Variants in LRRC7 observed in about 807,000 individuals in gnomAD.
LRRC7 encodes the protein leucine-rich repeat-containing protein 7.
Under a neutral mutation model 175.7 loss-of-function variants are expected in LRRC7, and 23 were observed. The ratio of observed to expected loss-of-function variants is 0.13; its 90% CI spans 0.09 to 0.19. The LOEUF (loss-of-function observed/expected upper bound fraction) is 0.19. Ranked by LOEUF, LRRC7 falls within the 10% of genes least tolerant of loss-of-function variation. The pLI, the probability that LRRC7 is intolerant of heterozygous loss-of-function variation, is 1.00. For missense variants in LRRC7, 1,354 were observed against 1,904.7 expected, an observed-to-expected ratio of 0.71 and a Z score of 5.38; for synonymous variants, 685 against 680.9, an observed-to-expected ratio of 1.01 and a Z score of -0.09.
chr1:69,791,239 C>A (rs1675074300), intron 3 of LRRC7, among the ~76,000 whole-genome samples: 1 of 151,986 alleles, frequency 6.6e-6, no homozygotes, highest in African/African-American at 2.4e-5. Flanking sequence ...TATTGTTTCT[C>A]AAAATATGAT....
chr1:69,668,463 A>G (rs558352820), intron 1 of LRRC7, among the ~76,000 whole-genome samples: 2 of 152,306 alleles, frequency 1.3e-5, no homozygotes, highest in Non-Finnish European at 1.5e-5. Context: ...TGTCCCTGCA[A>G]AGAACATGAA....
At chr1:69,641,419 G>C (rs1654188063) in intron 1 of LRRC7, among the ~76,000 whole-genome samples, 1 of 151,482 alleles carries the variant, frequency 6.6e-6, no homozygotes, top group African/African-American at 2.4e-5. Context: ...AAATATATAT[G>C]AGTAGAGGGA....
chr1:69,905,964 A>G (rs1350806125), intron 7 of LRRC7, among the ~76,000 whole-genome samples: 1 of 152,178 alleles, frequency 6.6e-6, no homozygotes, highest in Non-Finnish European at 1.5e-5. Context: ...CTGGTGTGAG[A>G]TGGTATCTCA....
intron 7 of LRRC7, among the ~76,000 whole-genome samples, chr1:69,888,546 C>T (rs1397059073): frequency 1.3e-5 from 2 of 152,134 alleles, no homozygotes; most frequent in Non-Finnish European, 2.9e-5. Flanking sequence ...AACCCGGTAC[C>T]TCAGATGGAA....
At position 70,135,885 on chromosome 1, in the gene LRRC7, C is replaced by T. The variant is rs933564416; in HGVS notation, c.*13998C>T. Among the ~76,000 whole-genome samples the T allele has an allele frequency of 1.3e-5, 2 of 152,150 alleles. No homozygotes were observed. Among genetic ancestry groups the T allele is most frequent in the African/African-American group, 4.8e-5 (2 of 41,420 alleles). ...GTTTGACTAAGCAACGGGTATCTTG[C>T]ACTTGATAGGTTCTCACAGTCTCAT... On this transcript the variant is annotated 3_prime_UTR_variant, in exon 27 of 27. Transcript: ENST00000651989.
At chr1:69,860,642 A>G (rs543265429) in intron 7 of LRRC7, among the ~76,000 whole-genome samples, 15 of 151,972 alleles carry the variant, frequency 9.9e-5, no homozygotes, top group Admixed American at 9.2e-4. Flanking sequence ...TTTTTGTTCT[A>G]GAAAAAAAGC....
At chr1:70,041,322 G>A (rs1483890655) in intron 21 of LRRC7, among the ~76,000 whole-genome samples, 4 of 152,148 alleles carry the variant, frequency 2.6e-5, no homozygotes, top group Non-Finnish European at 5.9e-5. Context: ...TTTTAGGGAA[G>A]GAGTGAACTA....
intron 24 of LRRC7, among the ~76,000 whole-genome samples, chr1:70,079,663 C>T (rs1294963626): frequency 6.6e-6 from 1 of 152,194 alleles, no homozygotes; most frequent in Non-Finnish European, 1.5e-5. Context: ...ATATATTAAG[C>T]ACGTGCTATG....
intron 8 of LRRC7, among the ~76,000 whole-genome samples, chr1:69,973,436 T>C (rs890489257): frequency 2.6e-5 from 4 of 151,904 alleles, no homozygotes; most frequent in South Asian, 2.1e-4. Flanking sequence ...CCTATGGAAA[T>C]AAAAAATTTT....
At chr1:69,574,240 A>G (rs916773951) in intron 1 of LRRC7, among the ~76,000 whole-genome samples, 2 of 152,166 alleles carry the variant, frequency 1.3e-5, no homozygotes, top group Non-Finnish European at 2.9e-5. Context: ...ACAAAACAAT[A>G]GCATAAATAC....
chr1:69,571,461 G>A (rs181326163), intron 1 of LRRC7, among the ~76,000 whole-genome samples: 98 of 152,076 alleles, frequency 6.4e-4, no homozygotes, highest in African/African-American at 2.2e-3. Context: ...AAAAAATCAC[G>A]AAGATATAAA....
At chr1:69,722,101 T>C (rs1666423211) in intron 2 of LRRC7, among the ~76,000 whole-genome samples, 1 of 151,554 alleles carries the variant, frequency 6.6e-6, no homozygotes, top group Admixed American at 6.6e-5. Flanking sequence ...TATATAAATT[T>C]CCAGAAATAG....
At position 70,043,953 on chromosome 1, in the gene LRRC7, G is replaced by A. The variant is rs1265024587; in HGVS notation, c.3970-1G>A. ...GTCACATGATTATTTCCTCTACTCA[G>A]AATGCTGCTTACAAACACAATACAG... On this transcript the variant is annotated splice_acceptor_variant, in intron 21 of 26. Coordinates refer to ENST00000651989, the MANE Select transcript of LRRC7 (RefSeq NM_001370785.2). LOFTEE classifies it high-confidence loss of function. 1 of 1,605,004 alleles carries A rather than the reference G, an allele frequency of 6.2e-7. No homozygotes were observed. Among genetic ancestry groups the A allele is most frequent in the Non-Finnish European group, 8.5e-7 (1 of 1,173,252 alleles).
At chr1:69,721,704 T>G (rs1228697035) in intron 2 of LRRC7, among the ~76,000 whole-genome samples, 1 of 151,872 alleles carries the variant, frequency 6.6e-6, no homozygotes, top group Non-Finnish European at 1.5e-5. Context: ...TGTTTTCAAT[T>G]TTTTGCCATG....
rs913846571 is a variant in LRRC7 at position 70,143,187 on chromosome 1, A to AGAG, written c.*21301_*21303dup. On this transcript the variant is annotated 3_prime_UTR_variant, in exon 27 of 27. Coordinates refer to ENST00000651989, the MANE Select transcript of LRRC7 (RefSeq NM_001370785.2). Reference sequence around the variant, plus strand: ...TTGGGTCGCTATTTTAGTAAAATGAAGAGTCTCTAGACTTTTTTTTTTTTT... The same window carrying AGAG: ...TTGGGTCGCTATTTTAGTAAAATGAAGAGGAGTCTCTAGACTTTTTTTTTTTTT... 7.9e-5 allele frequency: 12 copies of AGAG among 151,426 alleles called. No individual in the cohort carries two copies. The highest frequency in any genetic ancestry group is 2.6e-4 in the Admixed American group (4 of 15,180). 9.4% of individuals were successfully genotyped at this position (151,426 alleles called of 1,614,324 possible).
chr1:69,707,962 A>G (rs1340752), intron 2 of LRRC7, among the ~76,000 whole-genome samples: 66,953 of 151,974 alleles, frequency 0.44, 14,993 homozygotes, highest in Admixed American at 0.5. Flanking sequence ...GAGAGTACTC[A>G]TTTTGCAAAG....
intron 1 of LRRC7, among the ~76,000 whole-genome samples, chr1:69,618,131 T>A (rs910690830): frequency 6.7e-6 from 1 of 149,904 alleles, no homozygotes; most frequent in African/African-American, 2.5e-5. Flanking sequence ...ACTTATCTCA[T>A]TTTTTTCCCC....
At chr1:69,748,829 T>G (rs1669528261) in intron 2 of LRRC7, among the ~76,000 whole-genome samples, 1 of 152,188 alleles carries the variant, frequency 6.6e-6, no homozygotes, top group Non-Finnish European at 1.5e-5. Context: ...TGCTCTGCTC[T>G]TTTATTCTGT....
intron 1 of LRRC7, among the ~76,000 whole-genome samples, chr1:69,582,783 G>C (rs1646252116): frequency 6.6e-6 from 1 of 152,148 alleles, no homozygotes; most frequent in South Asian, 2.1e-4. Flanking sequence ...ACCAACTGTT[G>C]AGTTCCCTGG....
Sources: gnomAD v4.1 joint callset for allele counts (sites outside exome capture counted in the v4.1 genomes callset) on GRCh38, gnomAD v4.1.1 for gene constraint, MANE v1.5 for transcripts, NCBI Gene and HGNC (gene_info 2026-07-23, HGNC 2026-07-21) for gene names.